WDFY2: variants seen among roughly 807,000 people sequenced by gnomAD.
The protein encoded by WDFY2 is WD repeat and FYVE domain-containing protein 2.
WDFY2 carries 36 observed loss-of-function variants against 56.4 expected under a neutral mutation model. The ratio of observed to expected loss-of-function variants is 0.64; its 90% CI spans 0.49 to 0.84. The LOEUF (loss-of-function observed/expected upper bound fraction) is 0.84, where lower values mean the gene tolerates loss of function less well. WDFY2 is among the 40% of genes least tolerant of loss of function. The pLI is 0.00. For synonymous variants in WDFY2, 176 were observed against 183.7 expected (o/e 0.96, Z 0.34); for missense variants, 444 against 512.2 (o/e 0.87, Z 1.29).
intron 5 of WDFY2, among the ~76,000 whole-genome samples, chr13:51,724,585 A>G (rs1263927463): frequency 6.6e-6 from 1 of 152,180 alleles, no homozygotes; most frequent in Non-Finnish European, 1.5e-5. Context: ...TTAGGTGCAC[A>G]GCAAAATTGA....
At chr13:51,700,989 C>T (rs1240047090) in intron 3 of WDFY2, among the ~76,000 whole-genome samples, 1 of 152,098 alleles carries the variant, frequency 6.6e-6, no homozygotes, top group Non-Finnish European at 1.5e-5. Context: ...TGTTATACTA[C>T]ATCCTATACA....
chr13:51,733,883 C>T (rs1593460994), intron 6 of WDFY2, among the ~76,000 whole-genome samples: 1 of 152,138 alleles, frequency 6.6e-6, no homozygotes, highest in East Asian at 1.9e-4. Flanking sequence ...TTGAACTGAA[C>T]ACTTCCCTGG....
intron 3 of WDFY2, among the ~76,000 whole-genome samples, chr13:51,678,575 G>C (rs1416632534): frequency 6.6e-6 from 1 of 152,124 alleles, no homozygotes; most frequent in African/African-American, 2.4e-5. Context: ...AGAGAAGTTA[G>C]TCAGATTGTG....
At chr13:51,687,314 A>G (rs1427387953) in intron 3 of WDFY2, among the ~76,000 whole-genome samples, 7 of 151,984 alleles carry the variant, frequency 4.6e-5, no homozygotes, top group Admixed American at 6.6e-5. Flanking sequence ...GCATTTACTA[A>G]TCTCTTTATA....
chr13:51,721,665 G>C (rs192284252), intron 5 of WDFY2, among the ~76,000 whole-genome samples: 117 of 152,240 alleles, frequency 7.7e-4, no homozygotes, highest in East Asian at 5.0e-3. Flanking sequence ...TCACTGTTCA[G>C]GTGGTAGAGA....
chr13:51,639,968 T>C (rs1955125051), intron 1 of WDFY2, among the ~76,000 whole-genome samples: 1 of 152,234 alleles, frequency 6.6e-6, no homozygotes, highest in Non-Finnish European at 1.5e-5. Flanking sequence ...TCAATTATTA[T>C]TATTTTTAAC....
At chr13:51,754,901 G>T (rs1254304612) in intron 8 of WDFY2, among the ~76,000 whole-genome samples, 2 of 152,048 alleles carry the variant, frequency 1.3e-5, no homozygotes, top group Non-Finnish European at 2.9e-5. Context: ...AATTTTAATG[G>T]TAATAAGCTG....
At chr13:51,667,107 T>A (rs1263125288) in intron 2 of WDFY2, among the ~76,000 whole-genome samples, 1 of 152,208 alleles carries the variant, frequency 6.6e-6, no homozygotes, top group East Asian at 1.9e-4. Context: ...CAAAGATATT[T>A]TGGTTATTAG....
chr13:51,683,541 C>G (rs1956012133), intron 3 of WDFY2, among the ~76,000 whole-genome samples: 1 of 152,206 alleles, frequency 6.6e-6, no homozygotes, highest in African/African-American at 2.4e-5. Flanking sequence ...GGAAGGCATT[C>G]CTTTCAAGAG....
At chr13:51,737,028 C>T (rs1404040575) in intron 6 of WDFY2, among the ~76,000 whole-genome samples, 1 of 152,144 alleles carries the variant, frequency 6.6e-6, no homozygotes, top group Non-Finnish European at 1.5e-5. Flanking sequence ...CTAAGCTACC[C>T]ATTTCACGTG....
chr13:51,749,811 G>A (rs1227544108), intron 7 of WDFY2, among the ~76,000 whole-genome samples: 2 of 152,014 alleles, frequency 1.3e-5, no homozygotes. Flanking sequence ...AGTCCATTTT[G>A]TTACCTAAAG....
At position 51,763,868 on chromosome 13, in the gene WDFY2, G is replaced by A. The variant is rs1338202752; in HGVS notation, c.*4099G>A. ...TTAAGGCCCAAATTTTTGTTTTTAA[G>A]CAAAAGGATAGCTCTAAGTGTGGGT... is the stretch of plus-strand genomic sequence containing the variant. On this transcript the variant is annotated 3_prime_UTR_variant, in exon 12 of 12. Transcript: ENST00000298125. The A allele has an allele frequency of 1.3e-5, 2 of 152,190 alleles. No homozygotes were observed. Among genetic ancestry groups the A allele is most frequent in the African/African-American group, 4.8e-5 (2 of 41,440 alleles). The allele number at this position is 152,190 out of a possible 1,614,324, so 9.4% of individuals were successfully genotyped here. A position where few individuals can be genotyped will look rare whatever the true frequency, so the allele number is the denominator to read the frequency against.
At chr13:51,647,125 A>AT (rs1955277249) in intron 1 of WDFY2, among the ~76,000 whole-genome samples, 1 of 152,230 alleles carries the variant, frequency 6.6e-6, no homozygotes, top group South Asian at 2.1e-4. Flanking sequence ...ATACTGTACC[A>AT]TTTTATATTA....
chr13:51,695,856 G>T (rs985007737), intron 3 of WDFY2, among the ~76,000 whole-genome samples: 1 of 152,238 alleles, frequency 6.6e-6, no homozygotes, highest in South Asian at 2.1e-4. Flanking sequence ...GGGCTGCTTT[G>T]TTTACCTAAG....
intron 3 of WDFY2, among the ~76,000 whole-genome samples, chr13:51,676,495 A>C (rs1955891191): frequency 6.6e-6 from 1 of 152,158 alleles, no homozygotes; most frequent in African/African-American, 2.4e-5. Flanking sequence ...GTTCAACTGG[A>C]CTTGTAACTT....
intron 1 of WDFY2, among the ~76,000 whole-genome samples, chr13:51,650,854 G>A (rs1387156560): frequency 6.6e-6 from 1 of 152,156 alleles, no homozygotes; most frequent in Non-Finnish European, 1.5e-5. Flanking sequence ...ACATTCATCA[G>A]GGATATTGGT....
chr13:51,669,302 A>G (rs143755740), intron 2 of WDFY2, among the ~76,000 whole-genome samples: 34 of 152,308 alleles, frequency 2.2e-4, no homozygotes, highest in African/African-American at 8.2e-4. Context: ...CCAAACACTC[A>G]GTGTTATGAA....
intron 1 of WDFY2, among the ~76,000 whole-genome samples, chr13:51,596,985 G>A (rs17597090): frequency 0.032 from 4,878 of 152,170 alleles, 144 homozygotes; most frequent in Non-Finnish European, 0.051. Context: ...GAGAAGAAGC[G>A]GTCCAGAAAA....
In WDFY2 at chr13:51,660,653, T is replaced by C. The variant is rs1385278099; in HGVS notation, c.195T>C (p.His65=). 6.2e-7 allele frequency: 1 copy of C among 1,613,690 alleles called. No individual in the cohort carries two copies. Among genetic ancestry groups the C allele is most frequent in the Non-Finnish European group, 8.5e-7 (1 of 1,179,780 alleles). The change falls in exon 2 of 12, where the codon CAT becomes CAC. Residue 65 remains histidine (H), a synonymous_variant. Transcript: ENST00000298125. ...DSGQYWPSVY[H]AMPSPCSCMS... ...GACAGTATTGGCCAAGCGTATACCA[T>C]GCAATGCCTTGTAAGTATCCAAATC...
Sources: gnomAD v4.1 joint callset for allele counts (sites outside exome capture counted in the v4.1 genomes callset) on GRCh38, gnomAD v4.1.1 for gene constraint, MANE v1.5 for transcripts, NCBI Gene and HGNC (gene_info 2026-07-23, HGNC 2026-07-21) for gene names.